Variants in RBM18 observed in about 807,000 individuals in gnomAD.
The protein encoded by RBM18 is RNA binding motif protein 18.
A neutral mutation model predicts 26.4 loss-of-function variants in RBM18; 18 were observed. The observed-to-expected ratio is 0.68, with a 90% CI of 0.47 to 1.01. RBM18 has a LOEUF of 1.01. Among genes scored for constraint, RBM18 ranks in the 50% least tolerant of loss-of-function variants. The pLI is 0.00. For missense variants in RBM18, 180 were observed against 219.2 expected (o/e 0.82, Z 1.13); for synonymous variants, 74 against 81.1 (o/e 0.91, Z 0.47).
intron 3 of RBM18, 52 bp from the exon 4 acceptor site, chr9:122,247,656 T>C (rs778243773): frequency 9.4e-6 from 13 of 1,378,678 alleles, no homozygotes; most frequent in African/African-American, 1.4e-5. Context: ...CTTAACTAGC[T>C]ATATGTATTC....
chr9:122,249,708 C>CA (rs575973401), intron 3 of RBM18, among the ~76,000 whole-genome samples: 9,597 of 137,674 alleles, frequency 0.07, 375 homozygotes, highest in African/African-American at 0.12. Context: ...GACCCTGTCT[C>CA]AAAAAAAAAA....
At chr9:122,249,580 G>A (rs189523981) in intron 3 of RBM18, among the ~76,000 whole-genome samples, 1 of 151,948 alleles carries the variant, frequency 6.6e-6, no homozygotes, top group Admixed American at 6.6e-5. Flanking sequence ...GTAGTGGTGT[G>A]TGCCTGTGGT....
At chr9:122,253,815 C>T (rs888313617) in intron 2 of RBM18, among the ~76,000 whole-genome samples, 1 of 151,420 alleles carries the variant, frequency 6.6e-6, no homozygotes. Context: ...TGCCTGAGGT[C>T]AGGACTTCGA....
chr9:122,255,220 C>T (rs1831671755), intron 2 of RBM18, among the ~76,000 whole-genome samples: 1 of 152,032 alleles, frequency 6.6e-6, no homozygotes, highest in Non-Finnish European at 1.5e-5. Context: ...ATGATAAGTA[C>T]ATTATTATAT....
At chr9:122,247,785 GTTTTTTTTTT>G (rs34974193) in intron 3 of RBM18, among the ~76,000 whole-genome samples, 181 bp from the exon 4 acceptor site, 1 of 132,788 alleles carries the variant, frequency 7.5e-6, no homozygotes, top group African/African-American at 2.8e-5. Context: ...TTTTTTTGTT[GTTTTTTTTTT>G]TTTTTTGAGA....
At chr9:122,245,832 A>G (rs914132477) in intron 4 of RBM18, among the ~76,000 whole-genome samples, 3 of 151,954 alleles carry the variant, frequency 2.0e-5, no homozygotes, top group Non-Finnish European at 1.5e-5. Context: ...AAAAAAAACA[A>G]AAAACAAAAA....
At chr9:122,259,813 C>T (rs1230459512) in intron 2 of RBM18, among the ~76,000 whole-genome samples, 1 of 152,092 alleles carries the variant, frequency 6.6e-6, no homozygotes, top group East Asian at 2.0e-4. Context: ...CGCGCCTCAA[C>T]CTCCCAAGTA....
Position 122,261,592 on chromosome 9 carries a change from T to C in RBM18, c.-16-84A>G, listed in dbSNP as rs1027330133. Reference sequence around the variant, plus strand: ...TCAAATTCAACTCAACAAACATTTATTCAAGGAGGGCATGCCCTCTGGGCA... The same window carrying C: ...TCAAATTCAACTCAACAAACATTTACTCAAGGAGGGCATGCCCTCTGGGCA... On this transcript the variant is annotated intron_variant, in intron 1 of 5. Transcript: ENST00000417201. 3.2e-6 allele frequency: 3 copies of C among 925,564 alleles called. No homozygotes were observed. In the Admixed American group the frequency reaches 5.8e-5, roughly 18 times the overall value. 57.3% of individuals were successfully genotyped at this position (925,564 alleles called of 1,614,324 possible).
At position 122,241,788 on chromosome 9, in the gene RBM18, C is replaced by T. The variant is rs1831425025; in HGVS notation, c.*96G>A. 2.0e-6 allele frequency: 2 copies of T among 1,004,614 alleles called. No homozygotes were observed. The highest frequency in any genetic ancestry group is 2.2e-4 in the Middle Eastern group (1 of 4,576). The allele number at this position is 1,004,614 out of a possible 1,614,324, so 62.2% of individuals were successfully genotyped here. On this transcript the variant is annotated 3_prime_UTR_variant, in exon 6 of 6. Transcript: ENST00000417201. ...CAAATGCTAACATGTGATTGTGCTC[C>T]GTTGAATAGTACCATTCACATCTAC... is the stretch of plus-strand genomic sequence containing the variant.
chr9:122,238,829 T>C lies in RBM18; in HGVS notation c.*3055A>G, dbSNP rs769078901. The C allele has an allele frequency of 2.0e-5, 3 of 152,160 alleles. No homozygotes were observed. Among genetic ancestry groups the C allele is most frequent in the Non-Finnish European group, 4.4e-5 (3 of 68,040 alleles). The allele number at this position is 152,160 out of a possible 1,614,324, so 9.4% of individuals were successfully genotyped here. On this transcript the variant is annotated 3_prime_UTR_variant, in exon 6 of 6. Coordinates refer to ENST00000417201, the MANE Select transcript of RBM18 (RefSeq NM_033117.4). ...AGGCAGGGAGATAATTAGGAAGGTA[T>C]TGTAATAGTCCAGGGAAGAGATGAT...
chr9:122,253,862 C>T (rs530210632), intron 2 of RBM18, among the ~76,000 whole-genome samples: 1 of 151,812 alleles, frequency 6.6e-6, no homozygotes, highest in Non-Finnish European at 1.5e-5. Flanking sequence ...CCTGTCTCTA[C>T]TAAAAATACA....
chr9:122,247,143 T>C (rs1831517709), intron 4 of RBM18, among the ~76,000 whole-genome samples: 1 of 151,972 alleles, frequency 6.6e-6, no homozygotes, highest in Non-Finnish European at 1.5e-5. Context: ...CAAATTCAAA[T>C]CTCCACAGAG....
chr9:122,254,409 G>C, intron 2 of RBM18: 1 of 467,968 alleles, frequency 2.1e-6, no homozygotes, highest in Non-Finnish European at 2.8e-6. Context: ...TTGCTTCCTG[G>C]AGATGGGGAC....
chr9:122,249,663 C>G (rs1191165710), intron 3 of RBM18, among the ~76,000 whole-genome samples: 2 of 150,982 alleles, frequency 1.3e-5, no homozygotes, highest in Admixed American at 1.3e-4. Context: ...AAGCTGTGAT[C>G]GTGCCACTAT....
intron 3 of RBM18, among the ~76,000 whole-genome samples, chr9:122,247,951 A>AT (rs1446803783): frequency 1.3e-5 from 2 of 151,960 alleles, no homozygotes; most frequent in South Asian, 2.1e-4. Flanking sequence ...CGCCTGGCTA[A>AT]TTTTTTTGTA....
At position 122,245,209 on chromosome 9, in the gene RBM18, G is replaced by A. The variant is rs781040269; in HGVS notation, c.413+47C>T. 17 of 1,088,826 alleles carry A rather than the reference G, an allele frequency of 1.6e-5. No individual in the cohort carries two copies. The African/African-American group carries it at 2.0e-4, about 13-fold the overall frequency. 67.4% of individuals were successfully genotyped at this position (1,088,826 alleles called of 1,614,324 possible). ...AACGAAGACATGGAATAATGAAATG[G>A]CTGAAGCTCCTGAATTACTGTGTCT... On this transcript the variant is annotated intron_variant, in intron 5 of 5. Coordinates refer to ENST00000417201, the MANE Select transcript of RBM18 (RefSeq NM_033117.4).
At chr9:122,260,099 C>T (rs895677254) in intron 2 of RBM18, among the ~76,000 whole-genome samples, 1 of 152,126 alleles carries the variant, frequency 6.6e-6, no homozygotes, top group African/African-American at 2.4e-5. Flanking sequence ...GTAATCCCAG[C>T]ACTTTGGGAG....
chr9:122,253,326 C>T (rs1364080796), intron 2 of RBM18, among the ~76,000 whole-genome samples: 1 of 152,134 alleles, frequency 6.6e-6, no homozygotes, highest in Non-Finnish European at 1.5e-5. Context: ...GTGTCTGACA[C>T]AGTGGAACAA....
intron 2 of RBM18, chr9:122,254,268 T>C (rs1253697370): frequency 2.0e-5 from 16 of 815,686 alleles, no homozygotes; most frequent in Non-Finnish European, 2.2e-5. Context: ...GCCCAAGAAG[T>C]GTGACCTTAA....
Sources: allele counts gnomAD v4.1 joint callset (sites outside exome capture counted in the v4.1 genomes callset), GRCh38; gene constraint gnomAD v4.1.1; transcripts MANE v1.5; gene names NCBI Gene and HGNC (gene_info 2026-07-23, HGNC 2026-07-21).